Variants in CWF19L2 observed in about 807,000 individuals in gnomAD.
CWF19L2 encodes CWF19-like protein 2.
In CWF19L2, 98 loss-of-function variants were observed where a neutral mutation model predicts 111.7. The ratio of observed to expected loss-of-function variants is 0.88; its 90% CI spans 0.75 to 1.04. The LOEUF (loss-of-function observed/expected upper bound fraction) is 1.04. CWF19L2 is among the 50% of genes least tolerant of loss of function. The pLI is 0.00. For synonymous variants in CWF19L2, 351 were observed against 342.9 expected, an observed-to-expected ratio of 1.02 and a Z score of -0.26; for missense variants, 1,101 against 1,051.4, an observed-to-expected ratio of 1.05 and a Z score of -0.65.
chr11:107,425,686 C>T (rs1207432996), intron 8 of CWF19L2, among the ~76,000 whole-genome samples: 1 of 151,846 alleles, frequency 6.6e-6, no homozygotes, highest in Non-Finnish European at 1.5e-5. Context: ...TATTTGCTTC[C>T]TTGCTTAAAG....
intron 8 of CWF19L2, among the ~76,000 whole-genome samples, chr11:107,427,973 C>T (rs1037443197): frequency 6.6e-6 from 1 of 152,114 alleles, no homozygotes; most frequent in African/African-American, 2.4e-5. Context: ...AACCACAGTG[C>T]TTTTATCTAC....
At position 107,385,511 on chromosome 11, in the gene CWF19L2, A is replaced by G. The variant is rs577829361; in HGVS notation, c.1872+4563T>C. On this transcript the variant is annotated intron_variant, in intron 12 of 17. Coordinates refer to ENST00000282251, the MANE Select transcript of CWF19L2 (RefSeq NM_152434.3). Reference sequence around the variant, plus strand: ...ATCTAAACGTCAATTAAAAAAATCAAAGATGTAAAATGTTTAGGGAAAGTA... The same window carrying G: ...ATCTAAACGTCAATTAAAAAAATCAGAGATGTAAAATGTTTAGGGAAAGTA... 2.6e-3 allele frequency among the ~76,000 whole-genome samples: 390 copies of G among 152,328 alleles called. 11 individuals are homozygous for G. The highest frequency in any genetic ancestry group is 2.8e-3 in the Non-Finnish European group (189 of 68,020).
chr11:107,402,834 T>G (rs1272372), intron 10 of CWF19L2, among the ~76,000 whole-genome samples: 1 of 137,062 alleles, frequency 7.3e-6, no homozygotes, highest in Admixed American at 7.6e-5. Context: ...CCAACCCAAA[T>G]GCCCATCAAT....
intron 12 of CWF19L2, among the ~76,000 whole-genome samples, chr11:107,388,899 G>C (rs1289048114): frequency 6.6e-6 from 1 of 152,054 alleles, no homozygotes; most frequent in Non-Finnish European, 1.5e-5. Flanking sequence ...ATAAACAGAG[G>C]TAAAATTATC....
chr11:107,355,808 C>T (rs1226442025), intron 12 of CWF19L2, among the ~76,000 whole-genome samples: 2 of 152,160 alleles, frequency 1.3e-5, no homozygotes, highest in Non-Finnish European at 2.9e-5. Context: ...AAATACCTCA[C>T]TCTCTATAAT....
intron 7 of CWF19L2, among the ~76,000 whole-genome samples, chr11:107,432,519 G>T (rs1447631949): frequency 1.3e-5 from 2 of 152,212 alleles, no homozygotes; most frequent in African/African-American, 2.4e-5. Flanking sequence ...GGAGGCAGAG[G>T]TTGCAGTGAG....
chr11:107,357,274 A>G (rs1019159240), intron 12 of CWF19L2, among the ~76,000 whole-genome samples: 1 of 152,240 alleles, frequency 6.6e-6, no homozygotes, highest in African/African-American at 2.4e-5. Context: ...AGCAGAATAA[A>G]GAGCTAGAAG....
intron 10 of CWF19L2, among the ~76,000 whole-genome samples, chr11:107,411,828 T>A (rs1386838163): frequency 6.6e-6 from 1 of 152,174 alleles, no homozygotes; most frequent in African/African-American, 2.4e-5. Flanking sequence ...GTACTTATGA[T>A]TCTTATTTTA....
At chr11:107,422,223 T>A (rs918428705) in intron 8 of CWF19L2, among the ~76,000 whole-genome samples, 3 of 152,028 alleles carry the variant, frequency 2.0e-5, no homozygotes, top group Admixed American at 1.3e-4. Context: ...CACAGATTTT[T>A]TTCACCCAAA....
At chr11:107,345,490 T>C (rs1860066744) in intron 14 of CWF19L2, 1 of 462,068 alleles carries the variant, frequency 2.2e-6, no homozygotes, top group Non-Finnish European at 4.5e-6. Context: ...CTAGATTTTA[T>C]CTGGAGAATA....
intron 15 of CWF19L2, among the ~76,000 whole-genome samples, 186 bp downstream of exon 15, chr11:107,336,372 C>A (rs2134524301): frequency 6.6e-6 from 1 of 152,184 alleles, no homozygotes; most frequent in East Asian, 2.0e-4. Context: ...GTCTTGAAGT[C>A]CTGACCTCAG....
chr11:107,443,678 C>T (rs1565287950), intron 3 of CWF19L2, among the ~76,000 whole-genome samples: 1 of 152,182 alleles, frequency 6.6e-6, no homozygotes, highest in South Asian at 2.1e-4. Flanking sequence ...CAAGTAGTTA[C>T]TCACATCTCT....
chr11:107,348,961 A>T lies in CWF19L2; in HGVS notation c.2178T>A (p.Asp726Glu), dbSNP rs1255634870. 3 of 1,606,796 alleles carry T rather than the reference A, an allele frequency of 1.9e-6. No individual in the cohort carries two copies. The African/African-American group carries it at 4.0e-5, about 22-fold the overall frequency. Residue 726 changes from aspartate (D) to glutamate (E), a missense_variant, in exon 14 of 18, where the codon GAT (aspartate) becomes GAA (glutamate). Physicochemically the swap from Asp to Glu is conservative, Grantham distance 45. Transcript: ENST00000282251. ...CCTGGATCTCCTCCCAGATGTCTTC[A>T]TCCAACAAAGTAGCTGCTCTATGGT... ...LQHHRAATLL[D>E]EDIWEEIQMF...
chr11:107,358,788 G>C (rs944514191), intron 12 of CWF19L2, among the ~76,000 whole-genome samples: 1 of 152,158 alleles, frequency 6.6e-6, no homozygotes. Context: ...AATTCTGTGA[G>C]TCTTTCCAGT....
At chr11:107,351,673 A>T (rs1860158016) in intron 13 of CWF19L2, among the ~76,000 whole-genome samples, 1 of 152,180 alleles carries the variant, frequency 6.6e-6, no homozygotes, top group Non-Finnish European at 1.5e-5. Context: ...TTACTACTCC[A>T]TATACTGAAA....
chr11:107,448,343 C>CAAAA (rs61259014), intron 3 of CWF19L2, among the ~76,000 whole-genome samples: 48 of 54,882 alleles, frequency 8.7e-4, no homozygotes, highest in Admixed American at 1.3e-3. Context: ...GACTCCGTCA[C>CAAAA]AAAAAAAAAA....
intron 6 of CWF19L2, among the ~76,000 whole-genome samples, 168 bp from the exon 7 acceptor site, chr11:107,433,917 TA>T (rs1484440781): frequency 1.5e-5 from 2 of 137,294 alleles, no homozygotes; most frequent in African/African-American, 2.7e-5. Context: ...TATATATATA[TA>T]TATTTCAGTG....
At chr11:107,419,850 A>T (rs1168723393) in intron 8 of CWF19L2, among the ~76,000 whole-genome samples, 1 of 152,146 alleles carries the variant, frequency 6.6e-6, no homozygotes, top group Non-Finnish European at 1.5e-5. Context: ...TTTTTAAAAT[A>T]TATTTGAGGT....
chr11:107,416,118 T>A (rs953537789), intron 10 of CWF19L2, 91 bp downstream of exon 10: 17 of 328,572 alleles, frequency 5.2e-5, no homozygotes, highest in African/African-American at 2.3e-4. Context: ...TAAAATAAAA[T>A]AAAAAATAAA....
Sources: allele counts gnomAD v4.1 joint callset (sites outside exome capture counted in the v4.1 genomes callset), GRCh38; gene constraint gnomAD v4.1.1; transcripts MANE v1.5; gene names NCBI Gene and HGNC (gene_info 2026-07-23, HGNC 2026-07-21).